ANKRD30B: variants seen among roughly 807,000 people sequenced by gnomAD.
ANKRD30B encodes the protein ankyrin repeat domain-containing protein 30B.
Under a neutral mutation model 202.2 loss-of-function variants are expected in ANKRD30B, and 144 were observed. The ratio of observed to expected loss-of-function variants is 0.71; its 90% CI spans 0.62 to 0.82. The LOEUF is 0.82. ANKRD30B is among the 40% of genes least tolerant of loss of function. The probability of loss-of-function intolerance (pLI) is 0.00; values close to 1 mark genes in which losing one functional copy is unlikely to be tolerated. For missense variants in ANKRD30B, 1,487 were observed against 1,669.1 expected (o/e 0.89, Z 1.90); for synonymous variants, 508 against 561.3 (o/e 0.91, Z 1.34).
intron 8 of ANKRD30B, among the ~76,000 whole-genome samples, chr18:14,770,109 C>T (rs1966899825): frequency 1.3e-5 from 2 of 151,804 alleles, no homozygotes; most frequent in African/African-American, 4.8e-5. Flanking sequence ...CATTTTTTTT[C>T]TAGAGTCTTT....
intron 42 of ANKRD30B, among the ~76,000 whole-genome samples, chr18:14,853,056 G>C (rs913521325): frequency 2.0e-5 from 3 of 151,778 alleles, no homozygotes; most frequent in African/African-American, 7.3e-5. Context: ...TAATACCTTA[G>C]GACAAATGTA....
intron 39 of ANKRD30B, among the ~76,000 whole-genome samples, chr18:14,845,159 ATTT>A (rs1250801520): frequency 6.6e-6 from 1 of 151,742 alleles, no homozygotes; most frequent in African/African-American, 2.4e-5. Context: ...GTTCTGAAGT[ATTT>A]GCCCATGCCT....
the ANKRD30B span, among the ~76,000 whole-genome samples, chr18:14,893,302 C>A: frequency 1.3e-5 from 2 of 152,128 alleles, no homozygotes; most frequent in African/African-American, 4.8e-5. Context: ...TCAATAGGCA[C>A]AAATATTTAT....
At chr18:14,853,658 C>T (rs545234885) in intron 42 of ANKRD30B, among the ~76,000 whole-genome samples, 151 bp from the exon 43 acceptor site, 101 of 152,002 alleles carry the variant, frequency 6.6e-4, no homozygotes, top group Non-Finnish European at 1.0e-3. Context: ...AAAGATTACA[C>T]CTTCTTGTGT....
At chr18:14,888,145 A>T in the ANKRD30B span, among the ~76,000 whole-genome samples, 3 of 151,924 alleles carry the variant, frequency 2.0e-5, no homozygotes, top group Non-Finnish European at 2.9e-5. Context: ...ATTGACTTTC[A>T]TAATAGATTT....
At chr18:14,843,373 A>C (rs1483444483) in intron 39 of ANKRD30B, among the ~76,000 whole-genome samples, 1 of 152,166 alleles carries the variant, frequency 6.6e-6, no homozygotes, top group Non-Finnish European at 1.5e-5. Flanking sequence ...AAGATTCAAG[A>C]AGGTGTATTT....
the ANKRD30B span, among the ~76,000 whole-genome samples, chr18:14,889,191 T>A: frequency 2.0e-5 from 3 of 151,758 alleles, no homozygotes; most frequent in Non-Finnish European, 2.9e-5. Context: ...AGGACCTATT[T>A]CCCCCTAAGT....
At chr18:14,788,070 A>G (rs1287479479) in intron 15 of ANKRD30B, among the ~76,000 whole-genome samples, 2 of 152,198 alleles carry the variant, frequency 1.3e-5, no homozygotes, top group African/African-American at 4.8e-5. Context: ...CTGTGCATAC[A>G]CTATATGACA....
At chr18:14,784,260 A>C (rs374442391) in intron 12 of ANKRD30B, 76 bp from the exon 13 acceptor site, 283 of 1,428,970 alleles carry the variant, frequency 2.0e-4, no homozygotes, top group Non-Finnish European at 2.7e-4. Flanking sequence ...ACTCAGTTAG[A>C]TACTATCACT....
In ANKRD30B at chr18:14,810,114, T is replaced by G. The variant is rs1969825643; in HGVS notation, c.2422T>G (p.Cys808Gly). ...TGTTTCCAAACCCATTTAGCCTACCTGTGTAAGGAAAGTTTCTCTTCCAAA... is the reference window on the plus strand; with the variant it reads ...TGTTTCCAAACCCATTTAGCCTACCGGTGTAAGGAAAGTTTCTCTTCCAAA... ...PDKDGLLKPT[C>G]VRKVSLPNKA... The change falls in exon 28 of 44, where the codon TGT becomes GGT. Residue 808 changes from cysteine to glycine, a missense_variant. Around this residue, in one of 6 missense-constraint regions of ANKRD30B, gnomAD observed 218 missense variants for 320.1 expected, o/e 0.68. Transcript: ENST00000690538. 6.7e-7 allele frequency: 1 copy of G among 1,494,374 alleles called. No homozygotes were observed. Among genetic ancestry groups the G allele is most frequent in the African/African-American group, 1.4e-5 (1 of 70,860 alleles). The allele number at this position is 1,494,374 out of a possible 1,614,324, so 92.6% of individuals were successfully genotyped here. A position where few individuals can be genotyped will look rare whatever the true frequency, so the allele number is the denominator to read the frequency against.
the ANKRD30B span, among the ~76,000 whole-genome samples, chr18:14,922,591 C>T: frequency 6.8e-6 from 1 of 146,926 alleles, no homozygotes; most frequent in Non-Finnish European, 1.5e-5. Context: ...GGAGGCAGAG[C>T]TTGCAGTGAG....
chr18:14,829,900 C>G (rs1970827336), intron 33 of ANKRD30B, among the ~76,000 whole-genome samples: 1 of 152,168 alleles, frequency 6.6e-6, no homozygotes, highest in Non-Finnish European at 1.5e-5. Flanking sequence ...AGATCTGTGG[C>G]CTAAGGCAGG....
rs374129305 is a variant in ANKRD30B, at chr18:14,766,839, G to A, written c.1226-2504G>A. Among the ~76,000 whole-genome samples, 3 of 152,268 alleles carry A rather than the reference G, an allele frequency of 2.0e-5. No homozygotes were observed. The East Asian group carries it at 5.8e-4, about 29-fold the overall frequency. ...GACTTGGTAAAGGAGATTGAGCAGT[G>A]GCTAATGAAAAGTAGGAGAGGAGTT... On this transcript the variant is annotated intron_variant, in intron 7 of 43. Coordinates refer to ENST00000690538, the MANE Select transcript of ANKRD30B (RefSeq NM_001367607.2).
At chr18:14,925,999 A>G in the ANKRD30B span, among the ~76,000 whole-genome samples, 1 of 152,218 alleles carries the variant, frequency 6.6e-6, no homozygotes, top group Non-Finnish European at 1.5e-5. Context: ...TTGGGTTTTC[A>G]GATAAAAAAA....
At chr18:14,861,892 A>G in the ANKRD30B span, among the ~76,000 whole-genome samples, 1 of 152,212 alleles carries the variant, frequency 6.6e-6, no homozygotes, top group Admixed American at 6.5e-5. Context: ...CAGTCATAAA[A>G]TAAGCCTCAA....
At chr18:14,865,922 G>T in the ANKRD30B span, among the ~76,000 whole-genome samples, 5 of 152,218 alleles carry the variant, frequency 3.3e-5, no homozygotes, top group South Asian at 1.0e-3. Flanking sequence ...CACCATTTAT[G>T]TACTGAGGTT....
intron 10 of ANKRD30B, among the ~76,000 whole-genome samples, chr18:14,778,799 G>A (rs1156657710): frequency 6.6e-6 from 1 of 152,174 alleles, no homozygotes; most frequent in Non-Finnish European, 1.5e-5. Flanking sequence ...CTCTTAAGTA[G>A]CAAGGGAATA....
At position 14,842,863 on chromosome 18, in the gene ANKRD30B, T is replaced by G. The variant is rs1295838534; in HGVS notation, c.3080-34T>G. 8.4e-6 allele frequency: 13 copies of G among 1,546,948 alleles called. No individual in the cohort carries two copies. The Admixed American group carries it at 2.2e-4, about 26-fold the overall frequency. On this transcript the variant is annotated intron_variant, in intron 37 of 43. Transcript: ENST00000690538. ...TTGTGGCTGGTTTTGTCATATTTAC[T>G]TATGACTGATAATAAATCTCTTTTG...
chr18:14,821,006 G>T (rs1414698606), intron 30 of ANKRD30B, among the ~76,000 whole-genome samples: 1 of 152,114 alleles, frequency 6.6e-6, no homozygotes, highest in Non-Finnish European at 1.5e-5. Context: ...ACTCTTTTTG[G>T]TTGGTAAACT....
Sources: allele counts gnomAD v4.1 joint callset (sites outside exome capture counted in the v4.1 genomes callset), GRCh38; gene constraint gnomAD v4.1.1; regional missense constraint gnomAD v4.1.1; transcripts MANE v1.5; gene names NCBI Gene and HGNC (gene_info 2026-07-23, HGNC 2026-07-21).